Variants in DHX33 observed in about 807,000 individuals in gnomAD.
The protein encoded by DHX33 is DEAH-box helicase 33.
DHX33 carries 42 observed loss-of-function variants against 72.5 expected under a neutral mutation model. That is an observed-to-expected ratio of 0.58 (90% confidence interval 0.45 to 0.75). DHX33 has a LOEUF of 0.75. Among genes scored for constraint, DHX33 ranks in the 30% least tolerant of loss-of-function variants. The pLI is 0.00. For missense variants in DHX33, 842 were observed against 917.5 expected (o/e 0.92, Z 1.06); for synonymous variants, 358 against 366.1 (o/e 0.98, Z 0.25).
rs915985910 is a variant in DHX33 at position 5,440,961 on chromosome 17, G to C, written c.*3244C>G. The stretch of plus-strand genomic sequence containing the variant: ...GGATTTGATCGTCGGGTGCAAATTT[G>C]AGCATTATTTACAAGAGCTTTCTGT... On this transcript the variant is annotated 3_prime_UTR_variant, in exon 12 of 12. Transcript: ENST00000225296. 6.6e-6 allele frequency: 1 copy of C among 152,152 alleles called. No individual in the cohort carries two copies. Among genetic ancestry groups the C allele is most frequent in the African/African-American group, 2.4e-5 (1 of 41,432 alleles). 9.4% of individuals were successfully genotyped at this position (152,152 alleles called of 1,614,324 possible).
Position 5,468,762 on chromosome 17 carries a change from A to G in DHX33, c.98T>C (p.Val33Ala). ...AGSFPPGRQV[V>A]MLLTAGSGGR... ...GCCGCTGCCCGCAGTCAGCAGCATC[A>G]CCACTTGCCTCCCGGGAGGGAAGGA... The change falls in exon 1 of 12, where the codon GTG becomes GCG. Residue 33 changes from valine to alanine, a missense_variant. By Grantham distance (64) the Val-to-Ala change is moderately conservative. Coordinates refer to ENST00000225296, the MANE Select transcript of DHX33 (RefSeq NM_020162.4). 1 of 1,610,438 alleles carries G rather than the reference A, an allele frequency of 6.2e-7. No homozygotes were observed. Among genetic ancestry groups the G allele is most frequent in the Middle Eastern group, 1.7e-4 (1 of 6,034 alleles).
chr17:5,463,061 C>T (rs761177890), intron 2 of DHX33, among the ~76,000 whole-genome samples: 5 of 150,956 alleles, frequency 3.3e-5, no homozygotes, highest in Non-Finnish European at 7.4e-5. Context: ...CCTGGGCGAC[C>T]GAGCGAGACT....
In DHX33 at chr17:5,444,553, C is replaced by T. The variant is rs369505725; in HGVS notation, c.1816-40G>A. On this transcript the variant is annotated intron_variant, in intron 11 of 11. Coordinates refer to ENST00000225296, the MANE Select transcript of DHX33 (RefSeq NM_020162.4). This position sits in a 1 kb window ranked among gnomAD's most constrained non-coding sequence, Gnocchi z 4.9. ...AGCGAGGAATGGAGCCGACCCCACACGTAAACACTGGTCAGCACTACACAG... is the reference window on the plus strand; with the variant it reads ...AGCGAGGAATGGAGCCGACCCCACATGTAAACACTGGTCAGCACTACACAG... 1.0e-5 allele frequency: 16 copies of T among 1,588,726 alleles called. 1 individual carries two copies. Among genetic ancestry groups the T allele is most frequent in the Admixed American group, 8.5e-5 (5 of 58,940 alleles).
intron 11 of DHX33, among the ~76,000 whole-genome samples, chr17:5,445,417 C>T (rs1045150050): frequency 2.0e-5 from 3 of 152,234 alleles, no homozygotes; most frequent in Non-Finnish European, 4.4e-5. Flanking sequence ...TCCCCCATAG[C>T]TGGCTGCCTT....
At chr17:5,455,335 A>G in intron 5 of DHX33, 64 bp from the exon 6 acceptor site, 1 of 1,339,542 alleles carries the variant, frequency 7.5e-7, no homozygotes, top group Non-Finnish European at 1.1e-6. Context: ...GTCTTCAAAC[A>G]TATTCTCACC....
At chr17:5,461,898 A>C (rs1362861932) in intron 3 of DHX33, among the ~76,000 whole-genome samples, 1 of 149,976 alleles carries the variant, frequency 6.7e-6, no homozygotes, top group Non-Finnish European at 1.5e-5. Context: ...CCTGAAATAC[A>C]AGTTGTCTAT....
At position 5,461,081 on chromosome 17, in the gene DHX33, A is replaced by G. The variant is rs1904582238; in HGVS notation, c.707T>C (p.Val236Ala). 1 of 1,611,796 alleles carries G rather than the reference A, an allele frequency of 6.2e-7. No homozygotes were observed. The highest frequency in any genetic ancestry group is 8.5e-7 in the Non-Finnish European group (1 of 1,178,558). ...KVIVMSATMDVDLFSQYFNGA... is the reference protein window; with the variant it reads ...KVIVMSATMDADLFSQYFNGA... ...ATTGAAATACTGAGAGAACAGGTCC[A>G]CATCCATCGTAGCTGACATCACAAT... Residue 236 changes from valine (V) to alanine (A), a missense_variant, in exon 4 of 12, where the codon GTG (valine) becomes GCG (alanine). Val to Ala is a moderately conservative substitution (Grantham distance 64). Transcript: ENST00000225296.
At position 5,442,588 on chromosome 17, in the gene DHX33, T is replaced by A. The variant is rs942309276; in HGVS notation, c.*1617A>T. 9 of 152,120 alleles carry A rather than the reference T, an allele frequency of 5.9e-5. No individual in the cohort carries two copies. Among genetic ancestry groups the A allele is most frequent in the African/African-American group, 2.2e-4 (9 of 41,390 alleles). 9.4% of individuals were successfully genotyped at this position (152,120 alleles called of 1,614,324 possible). On this transcript the variant is annotated 3_prime_UTR_variant, in exon 12 of 12. Transcript: ENST00000225296. ...GTTGGAAATAAAGACTGAGCCGGACTTGACATACACAACTCCGGACAGATG... is the reference window on the plus strand; with the variant it reads ...GTTGGAAATAAAGACTGAGCCGGACATGACATACACAACTCCGGACAGATG...
intron 2 of DHX33, 41 bp downstream of exon 2, chr17:5,463,488 T>C: frequency 6.3e-7 from 1 of 1,597,860 alleles, no homozygotes; most frequent in Non-Finnish European, 8.6e-7. Context: ...GAGAGAGCTG[T>C]TGAGTCAAGA....
chr17:5,441,911 T>G lies in DHX33; in HGVS notation c.*2294A>C, dbSNP rs1916449573. 1.3e-5 allele frequency: 2 copies of G among 152,224 alleles called. No individual in the cohort carries two copies. Among genetic ancestry groups the G allele is most frequent in the African/African-American group, 4.8e-5 (2 of 41,452 alleles). 9.4% of individuals were successfully genotyped at this position (152,224 alleles called of 1,614,324 possible). The stretch of plus-strand genomic sequence containing the variant: ...TTTTTCTTTCTTTCTTTCTTTTTTT[T>G]TCTGAGACCGTCTCACACTGTCGGC... On this transcript the variant is annotated 3_prime_UTR_variant, in exon 12 of 12. Transcript: ENST00000225296.
rs757525604 is a variant in DHX33, at chr17:5,453,960, C to T, written c.1168G>A (p.Ala390Thr). The T allele has an allele frequency of 6.2e-7, 1 of 1,613,884 alleles. No individual in the cohort carries two copies. The highest frequency in any genetic ancestry group is 8.5e-7 in the Non-Finnish European group (1 of 1,179,970). The change falls in exon 7 of 12, where the codon GCA (alanine) becomes ACA (threonine). Residue 390 changes from alanine to threonine, a missense_variant. Coordinates refer to ENST00000225296, the MANE Select transcript of DHX33 (RefSeq NM_020162.4). ...YNPDSGLEVL[A>T]VQRVSKTQAW... ...TGCGTCTTCGATACCCGCTGCACTGCTAACACCTCAAGACCACTGTCTGGA... is the reference window on the plus strand; with the variant it reads ...TGCGTCTTCGATACCCGCTGCACTGTTAACACCTCAAGACCACTGTCTGGA...
chr17:5,453,755 C>T, intron 7 of DHX33, 66 bp downstream of exon 7: 3 of 1,612,270 alleles, frequency 1.9e-6, no homozygotes, highest in Middle Eastern at 1.7e-4. Flanking sequence ...GTAAAAACTG[C>T]AGCTCTGGGC....
At chr17:5,461,550 G>A (rs1904621485) in intron 3 of DHX33, among the ~76,000 whole-genome samples, 1 of 151,576 alleles carries the variant, frequency 6.6e-6, no homozygotes, top group Non-Finnish European at 1.5e-5. Context: ...CCTGGGAGGC[G>A]GAGCTTGCAG....
Position 5,453,679 on chromosome 17 carries a change from C to G in DHX33, c.1308-11G>C. On this transcript the variant is annotated splice_polypyrimidine_tract_variant and intron_variant, in intron 7 of 11. Transcript: ENST00000225296. ...CTGGCCAGGTTACACCTGTGAAGAGCATGAGACCAGGGTCATGACCTGATC... is the reference window on the plus strand; with the variant it reads ...CTGGCCAGGTTACACCTGTGAAGAGGATGAGACCAGGGTCATGACCTGATC... The G allele has an allele frequency of 1.2e-6, 2 of 1,614,074 alleles. No homozygotes were observed. Among genetic ancestry groups the G allele is most frequent in the Non-Finnish European group, 1.7e-6 (2 of 1,179,946 alleles).
In DHX33 at chr17:5,448,851, C is replaced by T. The variant is rs918428655; in HGVS notation, c.1773G>A (p.Leu591=). ...ENFVNSKNMT[L]VAEVRAQLRD... is the part of the protein sequence containing the mutation. ...TCAGCTGTGCTCTGACTTCTGCTAC[C>T]AGCGTCATATTCTTGCTGTTGACAA... The change falls in exon 11 of 12, where the codon CTG becomes CTA. Residue 591 remains leucine (L), a synonymous_variant. Coordinates refer to ENST00000225296, the MANE Select transcript of DHX33 (RefSeq NM_020162.4). 6 of 1,613,102 alleles carry T rather than the reference C, an allele frequency of 3.7e-6. No individual in the cohort carries two copies. The African/African-American group carries it at 8.0e-5, about 22-fold the overall frequency.
chr17:5,464,584 A>G (rs1229372662), intron 1 of DHX33, among the ~76,000 whole-genome samples: 1 of 152,216 alleles, frequency 6.6e-6, no homozygotes, highest in Non-Finnish European at 1.5e-5. Context: ...TTCTAACAAA[A>G]TAAGTAAACA....
In DHX33 at chr17:5,444,583, T is replaced by C. The variant is rs1916572268; in HGVS notation, c.1816-70A>G. 8 of 1,502,578 alleles carry C rather than the reference T, an allele frequency of 5.3e-6. No homozygotes were observed. In the Admixed American group the frequency reaches 1.1e-4, roughly 21 times the overall value. 93.1% of individuals were successfully genotyped at this position (1,502,578 alleles called of 1,614,324 possible). ...ACACTGGTCAGCACTACACAGCGTG[T>C]TGGGGCAACTGGACCCACTGGGGCA... is the stretch of plus-strand genomic sequence containing the variant. On this transcript the variant is annotated intron_variant, in intron 11 of 11. Transcript: ENST00000225296. The surrounding 1 kb of genome is among the most constrained non-coding windows in gnomAD (Gnocchi z 4.9).
Position 5,448,790 on chromosome 17 carries a change from C to T in DHX33, c.1815+19G>A, listed in dbSNP as rs543374238. On this transcript the variant is annotated intron_variant, in intron 11 of 11. Transcript: ENST00000225296. ...AGTGACAGCTTTGTCACCCACAGAA[C>T]ACTAGGACCAGACGATACCTTTAAG... 6 of 1,577,932 alleles carry T rather than the reference C, an allele frequency of 3.8e-6. No individual in the cohort carries two copies. In the South Asian group the frequency reaches 6.9e-5, roughly 18 times the overall value.
At chr17:5,455,708 G>T (rs1917160570) in intron 5 of DHX33, among the ~76,000 whole-genome samples, 1 of 152,200 alleles carries the variant, frequency 6.6e-6, no homozygotes, top group African/African-American at 2.4e-5. Flanking sequence ...CACAAGAAAT[G>T]GCACTATGGA....
Sources: gnomAD v4.1 joint callset for allele counts (sites outside exome capture counted in the v4.1 genomes callset) on GRCh38, gnomAD v4.1.1 for gene constraint, Gnocchi (gnomAD v3.1) non-coding constraint, MANE v1.5 for transcripts, NCBI Gene and HGNC (gene_info 2026-07-23, HGNC 2026-07-21) for gene names.